Variants in CYP3A5 observed in about 807,000 individuals in gnomAD.
The protein encoded by CYP3A5 is cytochrome P450 family 3 subfamily A member 5, also known as cytochrome P450 3A5.
CYP3A5 carries 51 observed loss-of-function variants against 55.9 expected under a neutral mutation model. The ratio of observed to expected loss-of-function variants is 0.91; its 90% CI spans 0.73 to 1.15. The LOEUF is 1.15. Ranked by LOEUF, CYP3A5 falls within the 50% of genes most tolerant of loss-of-function variation. The pLI, the probability that CYP3A5 is intolerant of heterozygous loss-of-function variation, is 0.00. For missense variants in CYP3A5, 533 were observed against 596.6 expected (o/e 0.89, Z 1.11); for synonymous variants, 196 against 213.9 (o/e 0.92, Z 0.73).
intron 8 of CYP3A5, chr7:99,663,278 G>C: frequency 1.0e-6 from 1 of 1,002,646 alleles, no homozygotes; most frequent in Non-Finnish European, 1.2e-6. Flanking sequence ...TTAATCTCCT[G>C]ACATTTCCAG....
At chr7:99,670,351 A>G (rs1811477510) in intron 4 of CYP3A5, among the ~76,000 whole-genome samples, 1 of 152,208 alleles carries the variant, frequency 6.6e-6, no homozygotes, top group African/African-American at 2.4e-5. Flanking sequence ...TTCCATATGA[A>G]ACTGAAATTA....
At chr7:99,679,550 C>T (rs1020805111) in intron 1 of CYP3A5, among the ~76,000 whole-genome samples, 4 of 152,164 alleles carry the variant, frequency 2.6e-5, no homozygotes, top group Admixed American at 6.5e-5. Flanking sequence ...GATTAGTCTT[C>T]GTCAGATCTA....
At chr7:99,666,416 C>T (rs1253129587) in intron 6 of CYP3A5, among the ~76,000 whole-genome samples, 185 bp downstream of exon 6, 1 of 152,160 alleles carries the variant, frequency 6.6e-6, no homozygotes, top group Non-Finnish European at 1.5e-5. Flanking sequence ...AGAGAAGGCC[C>T]TTTTCCCTTG....
chr7:99,663,514 T>G, intron 8 of CYP3A5: 2 of 991,406 alleles, frequency 2.0e-6, no homozygotes, highest in Non-Finnish European at 2.4e-6. Context: ...ACACTCACAT[T>G]TACCACACAC....
chr7:99,650,145 A>C lies in CYP3A5; in HGVS notation c.1341T>G (p.Ala447=), dbSNP rs767291720. 4.3e-6 allele frequency: 7 copies of C among 1,614,050 alleles called. No individual in the cohort carries two copies. The highest frequency in any genetic ancestry group is 1.3e-5 in the African/African-American group (1 of 74,954). The change falls in exon 12 of 13, where the codon GCT becomes GCG. Residue 447 remains alanine (A), a synonymous_variant. Transcript: ENST00000222982. The part of the protein sequence containing the change: ...GPRNCIGMRF[A]LMNMKLALIR... ...TTAGAGCAAGTTTCATGTTCATGAG[A>C]GCAAACCTCATGCCAATGCAGTTTC...
At chr7:99,649,172 G>C (rs1808910944) in intron 12 of CYP3A5, among the ~76,000 whole-genome samples, 1 of 152,134 alleles carries the variant, frequency 6.6e-6, no homozygotes, top group South Asian at 2.1e-4. Flanking sequence ...CCCTGTCCCA[G>C]GTGTGCCAGA....
chr7:99,650,105 T>G lies in CYP3A5; in HGVS notation c.1381A>C (p.Asn461His), dbSNP rs1366839516. ...MKLALIRVLQ[N>H]FSFKPCKETQ... The stretch of plus-strand genomic sequence containing the variant: ...TCTTTACAAGGTTTGAAGGAGAAGT[T>G]CTGAAGGACTCTGATTAGAGCAAGT... Residue 461 changes from asparagine (N) to histidine (H), a missense_variant, in exon 12 of 13, where the codon AAC becomes CAC. Asn to His is a moderately conservative substitution (Grantham distance 68). Coordinates refer to ENST00000222982, the MANE Select transcript of CYP3A5 (RefSeq NM_000777.5). 1 of 1,614,144 alleles carries G rather than the reference T, an allele frequency of 6.2e-7. No individual in the cohort carries two copies. Among genetic ancestry groups the G allele is most frequent in the Non-Finnish European group, 8.5e-7 (1 of 1,179,982 alleles).
Position 99,653,093 on chromosome 7 carries a change from T to C in CYP3A5, c.1027-314A>G, listed in dbSNP as rs758013657. 1.3e-5 allele frequency among the ~76,000 whole-genome samples: 2 copies of C among 152,058 alleles called. No individual in the cohort carries two copies. The highest frequency in any genetic ancestry group is 2.9e-5 in the Non-Finnish European group (2 of 68,018). On this transcript the variant is annotated intron_variant, in intron 10 of 12. Transcript: ENST00000222982. This position sits in a 1 kb window ranked among gnomAD's most constrained non-coding sequence, Gnocchi z 4.2. The stretch of plus-strand genomic sequence containing the variant: ...AATGTGATTAATGGGGCTATGACCA[T>C]TACCACCAAATAAAATACACCAAAG...
Position 99,653,450 on chromosome 7 carries a change from CAAAT to C in CYP3A5, c.1027-675_1027-672del, listed in dbSNP as rs3063934. Among the ~76,000 whole-genome samples, 133 of 145,494 alleles carry C rather than the reference CAAAT, an allele frequency of 9.1e-4. 1 individual carries two copies. Among genetic ancestry groups the C allele is most frequent in the Admixed American group, 2.1e-3 (30 of 14,522 alleles). Reference sequence around the variant, plus strand: ...TGGGTCGTAGAGTCAGACCCTGTCTCAAATAAATAAATAAATAAATAAATAAATA... The same window carrying C: ...TGGGTCGTAGAGTCAGACCCTGTCTCAAATAAATAAATAAATAAATAAATA... On this transcript the variant is annotated intron_variant, in intron 10 of 12. Coordinates refer to ENST00000222982, the MANE Select transcript of CYP3A5 (RefSeq NM_000777.5). This position sits in a 1 kb window ranked among gnomAD's most constrained non-coding sequence, Gnocchi z 4.2.
intron 10 of CYP3A5, among the ~76,000 whole-genome samples, chr7:99,656,683 A>G (rs1267862882): frequency 6.6e-6 from 1 of 152,224 alleles, no homozygotes; most frequent in African/African-American, 2.4e-5. Flanking sequence ...TACCTCTGGT[A>G]GAATTCGGCG....
At chr7:99,667,684 A>G (rs537840674) in intron 4 of CYP3A5, among the ~76,000 whole-genome samples, 1 of 152,374 alleles carries the variant, frequency 6.6e-6, no homozygotes, top group African/African-American at 2.4e-5. Context: ...TCAAGCCAGC[A>G]TGCTTGGAAC....
chr7:99,664,168 C>A, intron 7 of CYP3A5, 73 bp from the exon 8 acceptor site: 1 of 1,188,964 alleles, frequency 8.4e-7, no homozygotes. Context: ...TTATAATTTT[C>A]TCTACCAGTA....
rs760393503 is a variant in CYP3A5, at chr7:99,670,641, T to G, written c.318+1939A>C. Among the ~76,000 whole-genome samples the G allele has an allele frequency of 1.4e-3, 212 of 152,348 alleles. 1 individual carries two copies. Among genetic ancestry groups the G allele is most frequent in the Middle Eastern group, 6.8e-3 (2 of 294 alleles). On this transcript the variant is annotated intron_variant, in intron 4 of 12. Coordinates refer to ENST00000222982, the MANE Select transcript of CYP3A5 (RefSeq NM_000777.5). ...GAAAAATTTGATTTTGCCTCTTTAC[T>G]GGACTTTTGTAAGACCTGTCTTCCC...
intron 12 of CYP3A5, among the ~76,000 whole-genome samples, chr7:99,649,839 A>G (rs997128402): frequency 2.6e-5 from 4 of 152,138 alleles, no homozygotes; most frequent in Non-Finnish European, 5.9e-5. Context: ...CTCAGGTTCA[A>G]AGAGACTACA....
At position 99,665,161 on chromosome 7, in the gene CYP3A5, C is replaced by T. The variant is rs1272366132; in HGVS notation, c.670+5G>A. On this transcript the variant is annotated splice_donor_5th_base_variant and intron_variant, in intron 7 of 12. Coordinates refer to ENST00000222982, the MANE Select transcript of CYP3A5 (RefSeq NM_000777.5). ...AAAGAGAGAAAGAAATAATAGCCCA[C>T]ATACTTATTGAGAGAAATAATGGAT... is the stretch of plus-strand genomic sequence containing the variant. The T allele has an allele frequency of 6.9e-6, 11 of 1,602,156 alleles. No individual in the cohort carries two copies. The highest frequency in any genetic ancestry group is 8.5e-6 in the Non-Finnish European group (10 of 1,171,692).
chr7:99,672,341 T>C (rs1811749474), intron 4 of CYP3A5, among the ~76,000 whole-genome samples: 2 of 152,158 alleles, frequency 1.3e-5, no homozygotes, highest in Admixed American at 6.5e-5. Context: ...TGAGCCATTA[T>C]GCCCAGCCTG....
intron 10 of CYP3A5, among the ~76,000 whole-genome samples, chr7:99,655,587 TTAAAG>T (rs1290559872): frequency 1.3e-5 from 2 of 152,218 alleles, no homozygotes; most frequent in Non-Finnish European, 2.9e-5. Context: ...CATATGAACT[TTAAAG>T]TAGTTTTTTC....
chr7:99,660,244 T>TAATTA, intron 10 of CYP3A5: 1 of 912,462 alleles, frequency 1.1e-6, no homozygotes, highest in Non-Finnish European at 1.3e-6. Context: ...TTTTTTTTTT[T>TAATTA]TACTTAGCAT....
intron 1 of CYP3A5, chr7:99,676,619 G>T: frequency 1.6e-6 from 2 of 1,234,268 alleles, no homozygotes; most frequent in Non-Finnish European, 2.2e-6. Flanking sequence ...TTGCACTGAT[G>T]ATGAGATTTT....
Sources: gnomAD v4.1 joint callset for allele counts (sites outside exome capture counted in the v4.1 genomes callset) on GRCh38, gnomAD v4.1.1 for gene constraint, Gnocchi (gnomAD v3.1) non-coding constraint, MANE v1.5 for transcripts, NCBI Gene and HGNC (gene_info 2026-07-23, HGNC 2026-07-21) for gene names.